Variants in UBR2 observed in about 807,000 individuals in gnomAD.
UBR2 encodes E3 ubiquitin-protein ligase UBR2.
In UBR2, 92 loss-of-function variants were observed where a neutral mutation model predicts 247.9. The ratio of observed to expected loss-of-function variants is 0.37; its 90% CI spans 0.31 to 0.44. The LOEUF (loss-of-function observed/expected upper bound fraction) is 0.44, where lower values mean the gene tolerates loss of function less well. Ranked by LOEUF, UBR2 falls within the 20% of genes least tolerant of loss-of-function variation. The pLI, the probability that UBR2 is intolerant of heterozygous loss-of-function variation, is 1.00. For synonymous variants in UBR2, 672 were observed against 693.5 expected (o/e 0.97, Z 0.49); for missense variants, 1,613 against 2,112.6 (o/e 0.76, Z 4.64).
intron 13 of UBR2, 54 bp downstream of exon 13, chr6:42,632,958 CTTTTTTT>C: frequency 1.5e-6 from 1 of 645,556 alleles, no homozygotes; most frequent in Non-Finnish European, 2.1e-6. Flanking sequence ...TCTCTTTTCT[CTTTTTTT>C]TTTTTTTTTT....
At chr6:42,605,444 G>T (rs180803130) in intron 5 of UBR2, among the ~76,000 whole-genome samples, 138 of 152,298 alleles carry the variant, frequency 9.1e-4, no homozygotes, top group African/African-American at 2.7e-3. Flanking sequence ...TCAGGTCTCA[G>T]ATTACTTCTC....
intron 16 of UBR2, 143 bp from the exon 17 acceptor site, chr6:42,641,439 C>A (rs911795196): frequency 6.7e-5 from 36 of 538,062 alleles, no homozygotes; most frequent in Non-Finnish European, 6.0e-6. Flanking sequence ...CAGAGTGAGA[C>A]TCTGTCTCAA....
rs140901748 is a variant in UBR2 at position 42,687,528 on chromosome 6, T to TTTAA, written c.4854-686_4854-685insAATT. On this transcript the variant is annotated intron_variant, in intron 44 of 46. Coordinates refer to ENST00000372901, the MANE Select transcript of UBR2 (RefSeq NM_001363705.2). ...AGGGAGAGCTGTATGTTGTATTTTATTTTATTTATTTATTTATTTATTTAT... is the reference window on the plus strand; with the variant it reads ...AGGGAGAGCTGTATGTTGTATTTTATTTAATTTATTTATTTATTTATTTATTTAT... 2.0e-5 allele frequency among the ~76,000 whole-genome samples: 3 copies of TTTAA among 149,130 alleles called. No homozygotes were observed. In the East Asian group the frequency reaches 6.0e-4, roughly 30 times the overall value.
intron 25 of UBR2, 41 bp from the exon 26 acceptor site, chr6:42,655,580 T>A (rs1374052227): frequency 4.8e-6 from 6 of 1,237,876 alleles, no homozygotes; most frequent in Non-Finnish European, 5.6e-6. Flanking sequence ...TGTACTTGAT[T>A]TTTTAAATTT....
At chr6:42,638,585 C>A (rs564109071) in intron 15 of UBR2, among the ~76,000 whole-genome samples, 1 of 152,128 alleles carries the variant, frequency 6.6e-6, no homozygotes, top group Non-Finnish European at 1.5e-5. Context: ...CTTGTTCAGG[C>A]CCAGTTTTGT....
intron 15 of UBR2, among the ~76,000 whole-genome samples, chr6:42,637,627 TCTC>T (rs1161109764): frequency 2.0e-5 from 3 of 152,226 alleles, no homozygotes; most frequent in Admixed American, 2.0e-4. Context: ...GGTTTTCTAT[TCTC>T]CTTTTTTTCC....
intron 42 of UBR2, among the ~76,000 whole-genome samples, chr6:42,680,802 C>G (rs1562398073): frequency 6.6e-6 from 1 of 152,184 alleles, no homozygotes; most frequent in Admixed American, 6.5e-5. Flanking sequence ...GGCACAGTGG[C>G]TCACCCCTGT....
intron 11 of UBR2, chr6:42,620,004 G>A: frequency 2.1e-6 from 2 of 948,886 alleles, no homozygotes; most frequent in Non-Finnish European, 2.5e-6. Flanking sequence ...GTAGTATTTA[G>A]GAAAACTACT....
chr6:42,646,915 G>A (rs373853578), intron 21 of UBR2, among the ~76,000 whole-genome samples: 2 of 151,802 alleles, frequency 1.3e-5, no homozygotes, highest in South Asian at 2.1e-4. Context: ...TCTGCCTCCC[G>A]AGTTCAAGCA....
chr6:42,564,446 C>T, intron 1 of UBR2, 49 bp downstream of exon 1: 1 of 1,580,288 alleles, frequency 6.3e-7, no homozygotes, highest in South Asian at 1.2e-5. Flanking sequence ...CAGGCCGCGC[C>T]TGTGGGGAGG....
chr6:42,638,993 T>C (rs546595737), intron 15 of UBR2, among the ~76,000 whole-genome samples: 1 of 152,364 alleles, frequency 6.6e-6, no homozygotes, highest in South Asian at 2.1e-4. Flanking sequence ...TGAGTATTCA[T>C]TTCATGGTAT....
At chr6:42,667,181 CA>C (rs1460160948) in intron 34 of UBR2, among the ~76,000 whole-genome samples, 32 of 151,940 alleles carry the variant, frequency 2.1e-4, no homozygotes, top group African/African-American at 7.7e-4. Context: ...ACTAAAAATA[CA>C]AAAATTAGCC....
At chr6:42,647,529 G>A (rs1796845091) in intron 21 of UBR2, among the ~76,000 whole-genome samples, 1 of 152,016 alleles carries the variant, frequency 6.6e-6, no homozygotes, top group Admixed American at 6.5e-5. Flanking sequence ...CTGGAAGGTG[G>A]AGGTTGCAGT....
intron 21 of UBR2, 90 bp from the exon 22 acceptor site, chr6:42,648,028 T>A: frequency 3.0e-6 from 3 of 997,508 alleles, no homozygotes; most frequent in Non-Finnish European, 1.6e-6. Context: ...CTACCTTAGG[T>A]TGTTATGAGG....
At chr6:42,636,672 C>T (rs528882124) in intron 14 of UBR2, among the ~76,000 whole-genome samples, 127 of 152,168 alleles carry the variant, frequency 8.3e-4, no homozygotes, top group East Asian at 1.5e-3. Flanking sequence ...AATAGAGAGA[C>T]GCTTGGCAAT....
At chr6:42,595,795 G>C (rs1459787747) in intron 4 of UBR2, among the ~76,000 whole-genome samples, 1 of 151,096 alleles carries the variant, frequency 6.6e-6, no homozygotes, top group African/African-American at 2.4e-5. Flanking sequence ...AATGACCAAA[G>C]CTTTTGATGT....
rs551262825 is a variant in UBR2, at chr6:42,580,536, C to T, written c.338+6543C>T. The stretch of plus-strand genomic sequence containing the variant: ...TATTTACATATGTCAAAAGACAAAT[C>T]TTAATTGTACATTTTTTTTTTTTGA... On this transcript the variant is annotated intron_variant, in intron 2 of 46. Coordinates refer to ENST00000372901, the MANE Select transcript of UBR2 (RefSeq NM_001363705.2). Among the ~76,000 whole-genome samples, 384 of 145,578 alleles carry T rather than the reference C, an allele frequency of 2.6e-3. 1 individual carries two copies. Among genetic ancestry groups the T allele is most frequent in the African/African-American group, 9.4e-3 (373 of 39,594 alleles).
At chr6:42,617,834 C>T (rs759492693) in intron 11 of UBR2, among the ~76,000 whole-genome samples, 6 of 152,158 alleles carry the variant, frequency 3.9e-5, no homozygotes, top group Admixed American at 3.9e-4. Flanking sequence ...TTATCCTTCA[C>T]GTTAGAATTA....
chr6:42,658,861 A>G lies in UBR2; in HGVS notation c.3242+37A>G, dbSNP rs1477516064. On this transcript the variant is annotated intron_variant, in intron 29 of 46. Transcript: ENST00000372901. ...AAAAAAAAAAATTAATGTCTTGACG[A>G]GTTTTTCCCAACTAGGGGCAGTGTT... 4 of 1,493,542 alleles carry G rather than the reference A, an allele frequency of 2.7e-6. No homozygotes were observed. The African/African-American group carries it at 5.8e-5, about 22-fold the overall frequency. 92.5% of individuals were successfully genotyped at this position (1,493,542 alleles called of 1,614,324 possible). A position where few individuals can be genotyped will look rare whatever the true frequency, so the allele number is the denominator to read the frequency against.
Sources: allele counts gnomAD v4.1 joint callset (sites outside exome capture counted in the v4.1 genomes callset), GRCh38; gene constraint gnomAD v4.1.1; transcripts MANE v1.5; gene names NCBI Gene and HGNC (gene_info 2026-07-23, HGNC 2026-07-21).